Variants in NOD2 observed in about 807,000 individuals in gnomAD.
The protein encoded by NOD2 is nucleotide-binding oligomerization domain-containing protein 2.
Under a neutral mutation model 90.9 loss-of-function variants are expected in NOD2, and 86 were observed. The observed-to-expected ratio is 0.95, with a 90% CI of 0.79 to 1.13. The LOEUF is 1.13. Among genes scored for constraint, NOD2 ranks in the 50% most tolerant of loss-of-function variants. The pLI is 0.00. For missense variants in NOD2, 1,238 were observed against 1,283.8 expected (o/e 0.96, Z 0.55); for synonymous variants, 581 against 554.6 (o/e 1.05, Z -0.67).
At chr16:50,714,524 C>T (rs1343827265) in intron 4 of NOD2, among the ~76,000 whole-genome samples, 2 of 152,014 alleles carry the variant, frequency 1.3e-5, no homozygotes, top group African/African-American at 4.8e-5. Flanking sequence ...GCGAGTTTTA[C>T]TGCTCTTCAC....
intron 1 of NOD2, among the ~76,000 whole-genome samples, chr16:50,694,429 C>T (rs1224693392): frequency 3.9e-5 from 6 of 152,184 alleles, no homozygotes; most frequent in Non-Finnish European, 7.3e-5. Flanking sequence ...TTGCCTGTCC[C>T]GATCACTCAG....
intron 2 of NOD2, 28 bp from the exon 3 acceptor site, chr16:50,707,827 A>T: frequency 6.6e-7 from 1 of 1,522,058 alleles, no homozygotes; most frequent in South Asian, 1.1e-5. Context: ...CCTTCCTGGA[A>T]GAATAATGTC....
chr16:50,729,422 G>T (rs1014179123), intron 10 of NOD2, among the ~76,000 whole-genome samples: 2 of 152,126 alleles, frequency 1.3e-5, no homozygotes, highest in Non-Finnish European at 2.9e-5. Context: ...TCACAATTTA[G>T]ATTCTTATGC....
chr16:50,711,291 T>C lies in NOD2; in HGVS notation c.1299T>C (p.His433=), dbSNP rs1964479363. ...TCGAGCTGTACCTGAGGAAGCGCCA[T>C]CATGAGCCCGGGGTGGCGGACCGCC... ...QGIELYLRKR[H]HEPGVADRLI... Residue 433 remains histidine (H), a synonymous_variant, in exon 4 of 12, where the codon CAT becomes CAC. Coordinates refer to ENST00000647318, the MANE Select transcript of NOD2 (RefSeq NM_001370466.1). The C allele has an allele frequency of 6.2e-7, 1 of 1,613,610 alleles. No homozygotes were observed. Among genetic ancestry groups the C allele is most frequent in the African/African-American group, 1.3e-5 (1 of 74,938 alleles).
intron 11 of NOD2, among the ~76,000 whole-genome samples, chr16:50,730,264 G>A (rs1312640581): frequency 1.3e-5 from 2 of 152,188 alleles, no homozygotes; most frequent in Admixed American, 6.5e-5. Context: ...GACCTTCTGC[G>A]GTTCTGAATG....
intron 6 of NOD2, among the ~76,000 whole-genome samples, chr16:50,718,486 A>G (rs1161288929): frequency 6.6e-6 from 1 of 152,272 alleles, no homozygotes; most frequent in East Asian, 1.9e-4. Flanking sequence ...TTTCCATTTA[A>G]TATTTTTGGA....
At position 50,731,715 on chromosome 16, in the gene NOD2, A is replaced by G. The variant is rs753779172; in HGVS notation, c.2970-32A>G. 3.9e-6 allele frequency: 6 copies of G among 1,524,644 alleles called. No homozygotes were observed. The East Asian group carries it at 1.4e-4, about 34-fold the overall frequency. 94.4% of individuals were successfully genotyped at this position (1,524,644 alleles called of 1,614,324 possible). A position where few individuals can be genotyped will look rare whatever the true frequency, so the allele number is the denominator to read the frequency against. ...AAAGCCCTGCTCTAATTTTGTCCTC[A>G]CTCAAACCTCTGTTCACTTGATCTG... On this transcript the variant is annotated intron_variant, in intron 11 of 11. Coordinates refer to ENST00000647318, the MANE Select transcript of NOD2 (RefSeq NM_001370466.1).
rs898706797 is a variant in NOD2, at chr16:50,711,346, C to T, written c.1354C>T (p.Leu452=). ...CCGCCTGCTCCAAGAGACCTCAGCC[C>T]TGCACGGTTTGTGCCACCTGCCTGT... ...LIRLLQETSA[L]HGLCHLPVFS... The change falls in exon 4 of 12, where the codon CTG becomes TTG. Residue 452 remains leucine (L), a synonymous_variant. Coordinates refer to ENST00000647318, the MANE Select transcript of NOD2 (RefSeq NM_001370466.1). The T allele has an allele frequency of 1.9e-6, 3 of 1,613,676 alleles. No individual in the cohort carries two copies. The highest frequency in any genetic ancestry group is 1.3e-5 in the African/African-American group (1 of 75,070).
At chr16:50,725,664 T>C in intron 10 of NOD2, 92 bp downstream of exon 10, 2 of 978,224 alleles carry the variant, frequency 2.0e-6, no homozygotes, top group Non-Finnish European at 3.3e-6. Context: ...TCCGCTGGGC[T>C]AACTCATGTG....
chr16:50,697,330 G>A (rs1382023478), intron 1 of NOD2: 1 of 1,552,262 alleles, frequency 6.4e-7, no homozygotes, highest in East Asian at 2.4e-5. Context: ...AGAGGAGCAG[G>A]CATTGTCCCG....
At position 50,699,880 on chromosome 16, in the gene NOD2, G is replaced by C. The variant is rs1249085290; in HGVS notation, c.385G>C (p.Ala129Pro). 2.5e-6 allele frequency: 4 copies of C among 1,613,066 alleles called. No individual in the cohort carries two copies. Among genetic ancestry groups the C allele is most frequent in the Non-Finnish European group, 3.4e-6 (4 of 1,180,036 alleles). Residue 129 changes from alanine (A) to proline (P), a missense_variant, in exon 2 of 12, where the codon GCA (alanine) becomes CCA (proline). Transcript: ENST00000647318. ...HSHVENMLDLAWERGFVSQYE... is the reference protein window; with the variant it reads ...HSHVENMLDLPWERGFVSQYE... The stretch of plus-strand genomic sequence containing the variant: ...CCATGTGGAGAACATGCTGGACCTG[G>C]CATGGGAGCGGGGTTTCGTCAGCCA...
At chr16:50,714,636 G>GTA (rs1177753358) in intron 4 of NOD2, among the ~76,000 whole-genome samples, 1 of 151,504 alleles carries the variant, frequency 6.6e-6, no homozygotes, top group African/African-American at 2.4e-5. Context: ...GTGTGTGTGT[G>GTA]TGTGTGTATG....
In NOD2 at chr16:50,723,209, G is replaced by C. The variant is rs188014793; in HGVS notation, c.2718-92G>C. On this transcript the variant is annotated intron_variant, in intron 8 of 11. Transcript: ENST00000647318. The stretch of plus-strand genomic sequence containing the variant: ...GTGATGTCTGAAATGGAGCAGACCA[G>C]GAGAGCACCACGAATTTTGCCCTCC... 1.3e-4 allele frequency: 126 copies of C among 955,066 alleles called. 2 individuals are homozygous for C. Among genetic ancestry groups the C allele is most frequent in the African/African-American group, 1.2e-3 (74 of 62,310 alleles). The allele number at this position is 955,066 out of a possible 1,614,324, so 59.2% of individuals were successfully genotyped here.
In NOD2 at chr16:50,711,489, C is replaced by T. The variant is rs779950802; in HGVS notation, c.1497C>T (p.Thr499=). Residue 499 remains threonine, a synonymous_variant, in exon 4 of 12, where the codon ACC becomes ACT. Transcript: ENST00000647318. The part of the protein sequence containing the change: ...LILQHFLLHA[T]PPDSASQGLG... Reference sequence around the variant, plus strand: ...TGCAGCATTTTCTGCTGCATGCCACCCCCCCAGACTCAGCTTCCCAAGGTC... The same window carrying T: ...TGCAGCATTTTCTGCTGCATGCCACTCCCCCAGACTCAGCTTCCCAAGGTC... 3.7e-6 allele frequency: 6 copies of T among 1,613,258 alleles called. No individual in the cohort carries two copies. Among genetic ancestry groups the T allele is most frequent in the Non-Finnish European group, 4.2e-6 (5 of 1,179,908 alleles).
rs943943804 is a variant in NOD2, at chr16:50,732,132, G to C, written c.*313G>C. 1 of 428,460 alleles carries C rather than the reference G, an allele frequency of 2.3e-6. No individual in the cohort carries two copies. Among genetic ancestry groups the C allele is most frequent in the East Asian group, 5.0e-5 (1 of 20,050 alleles). The allele number at this position is 428,460 out of a possible 1,614,324, so 26.5% of individuals were successfully genotyped here. ...CCTCTGCTGATCCTCCCAGGCTTCC[G>C]TGTGGGTCAGTGGGGCCCATGGATG... On this transcript the variant is annotated 3_prime_UTR_variant, in exon 12 of 12. Coordinates refer to ENST00000647318, the MANE Select transcript of NOD2 (RefSeq NM_001370466.1).
chr16:50,715,143 G>T (rs1047962507), intron 4 of NOD2, among the ~76,000 whole-genome samples: 2 of 152,218 alleles, frequency 1.3e-5, no homozygotes, highest in Non-Finnish European at 2.9e-5. Flanking sequence ...GTGGGGTTTG[G>T]AGCCAAGCCG....
At chr16:50,721,546 C>T (rs1361917091) in intron 7 of NOD2, among the ~76,000 whole-genome samples, 1 of 151,972 alleles carries the variant, frequency 6.6e-6, no homozygotes, top group African/African-American at 2.4e-5. Flanking sequence ...GGCTGGAGTG[C>T]AGTGGTTGCA....
chr16:50,694,536 C>T (rs373314765), intron 1 of NOD2, among the ~76,000 whole-genome samples: 1 of 152,202 alleles, frequency 6.6e-6, no homozygotes, highest in Non-Finnish European at 1.5e-5. Context: ...CCTCATCCAG[C>T]CCACCTCCCT....
chr16:50,725,593 A>T, intron 10 of NOD2, 21 bp downstream of exon 10: 2 of 1,579,898 alleles, frequency 1.3e-6, no homozygotes, highest in Non-Finnish European at 1.7e-6. Flanking sequence ...CATAAGCAGG[A>T]AACAGGACAA....
Sources: allele counts gnomAD v4.1 joint callset (sites outside exome capture counted in the v4.1 genomes callset), GRCh38; gene constraint gnomAD v4.1.1; transcripts MANE v1.5; gene names NCBI Gene and HGNC (gene_info 2026-07-23, HGNC 2026-07-21).